Variants in ACTR8 observed in about 807,000 individuals in gnomAD.
ACTR8 encodes the protein actin related protein 8.
A neutral mutation model predicts 84.3 loss-of-function variants in ACTR8; 70 were observed. The ratio of observed to expected loss-of-function variants is 0.83; its 90% CI spans 0.68 to 1.01. The LOEUF (loss-of-function observed/expected upper bound fraction) is 1.01, where lower values mean the gene tolerates loss of function less well. Ranked by LOEUF, ACTR8 falls within the 50% of genes least tolerant of loss-of-function variation. The probability of loss-of-function intolerance (pLI) is 0.00; values close to 1 mark genes in which losing one functional copy is unlikely to be tolerated. For synonymous variants in ACTR8, 268 were observed against 275.2 expected, an observed-to-expected ratio of 0.97 and a Z score of 0.26; for missense variants, 672 against 775.4, an observed-to-expected ratio of 0.87 and a Z score of 1.58.
intron 10 of ACTR8, among the ~76,000 whole-genome samples, chr3:53,871,737 C>T (rs1257825660): frequency 6.6e-6 from 1 of 152,198 alleles, no homozygotes; most frequent in Non-Finnish European, 1.5e-5. Context: ...AGAACCTTAT[C>T]ATCACTGGTT....
chr3:53,879,466 T>C (rs1469883487), intron 2 of ACTR8, among the ~76,000 whole-genome samples: 2 of 152,192 alleles, frequency 1.3e-5, no homozygotes, highest in Middle Eastern at 3.4e-3. Context: ...TAGGATAAAG[T>C]AGATGCTTAC....
intron 4 of ACTR8, 126 bp from the exon 5 acceptor site, chr3:53,877,513 G>A (rs3733079): frequency 0.32 from 413,719 of 1,285,678 alleles, 68,784 homozygotes; most frequent in East Asian, 0.52. Context: ...AGTAGGAGTC[G>A]GTGTGACTAT....
chr3:53,875,482 T>C (rs1211412238), intron 7 of ACTR8, among the ~76,000 whole-genome samples: 1 of 152,208 alleles, frequency 6.6e-6, no homozygotes, highest in East Asian at 1.9e-4. Flanking sequence ...TACCTGTCTA[T>C]CATCATAAAG....
chr3:53,860,099 T>G, the ACTR8 span: 1 of 1,497,404 alleles, frequency 6.7e-7, no homozygotes, highest in Non-Finnish European at 9.3e-7. Flanking sequence ...GGATTTGTTT[T>G]CCAAAGGTGA....
chr3:53,874,049 C>T (rs1302037609), intron 8 of ACTR8, among the ~76,000 whole-genome samples, 162 bp downstream of exon 8: 1 of 152,118 alleles, frequency 6.6e-6, no homozygotes, highest in Non-Finnish European at 1.5e-5. Flanking sequence ...TGGTCTTGAT[C>T]TCCTGACCTC....
intron 7 of ACTR8, among the ~76,000 whole-genome samples, chr3:53,875,612 A>C (rs765025493): frequency 6.6e-6 from 1 of 152,254 alleles, no homozygotes; most frequent in African/African-American, 2.4e-5. Flanking sequence ...AAGCTCTGCT[A>C]TAAGGATGTG....
rs1025675441 is a variant in ACTR8 at position 53,881,750 on chromosome 3, G to C, written c.123+229C>G. On this transcript the variant is annotated intron_variant, in intron 1 of 12. Transcript: ENST00000335754. ...CAGACGGTGGGGCGTGCGGGAGATC[G>C]GAGCGGTGTCCCTGCGGGGGCTCCG... The C allele has an allele frequency of 1.0e-4, 65 of 642,208 alleles. No individual in the cohort carries two copies. In the African/African-American group the frequency reaches 1.1e-3, roughly 11 times the overall value. The allele number at this position is 642,208 out of a possible 1,614,324, so 39.8% of individuals were successfully genotyped here. A position where few individuals can be genotyped will look rare whatever the true frequency, so the allele number is the denominator to read the frequency against.
the ACTR8 span, chr3:53,860,494 G>T: frequency 3.4e-6 from 1 of 297,620 alleles, no homozygotes; most frequent in Admixed American, 4.7e-5. Context: ...GTACTGAAAT[G>T]GGCAAAAGAT....
Position 53,868,452 on chromosome 3 carries a change from G to A in ACTR8, c.*267C>T, listed in dbSNP as rs1253753365. 1.5e-5 allele frequency: 6 copies of A among 410,988 alleles called. No individual in the cohort carries two copies. Among genetic ancestry groups the A allele is most frequent in the Non-Finnish European group, 2.2e-5 (5 of 231,584 alleles). 25.5% of individuals were successfully genotyped at this position (410,988 alleles called of 1,614,324 possible). A position where few individuals can be genotyped will look rare whatever the true frequency, so the allele number is the denominator to read the frequency against. ...CTTCAATAGCAACGTTTACATCACT[G>A]GGGAGTTTATGAGACCCTGAGAGAG... On this transcript the variant is annotated 3_prime_UTR_variant, in exon 13 of 13. Coordinates refer to ENST00000335754, the MANE Select transcript of ACTR8 (RefSeq NM_022899.5).
rs768876644 is a variant in ACTR8 at position 53,867,987 on chromosome 3, T to A, written c.*732A>T. ...TAAATTATACCCAAATCATTTCTAT[T>A]TGGCTTTAGGAAAAAAACAAGATTT... On this transcript the variant is annotated 3_prime_UTR_variant, in exon 13 of 13. Coordinates refer to ENST00000335754, the MANE Select transcript of ACTR8 (RefSeq NM_022899.5). 1 of 152,212 alleles carries A rather than the reference T, an allele frequency of 6.6e-6. No homozygotes were observed. Among genetic ancestry groups the A allele is most frequent in the Non-Finnish European group, 1.5e-5 (1 of 68,046 alleles). The allele number at this position is 152,212 out of a possible 1,614,324, so 9.4% of individuals were successfully genotyped here.
chr3:53,872,548 T>G (rs1270900275), intron 9 of ACTR8, 24 bp from the exon 10 acceptor site: 6 of 1,555,252 alleles, frequency 3.9e-6, no homozygotes, highest in Non-Finnish European at 5.2e-6. Flanking sequence ...AAAAGAGTGA[T>G]CAACAAAAGA....
intron 2 of ACTR8, 68 bp from the exon 3 acceptor site, chr3:53,878,535 C>G (rs1285797254): frequency 1.1e-6 from 1 of 911,946 alleles, no homozygotes; most frequent in Admixed American, 2.2e-5. Flanking sequence ...TCAAAAACTA[C>G]TAATTTAATC....
chr3:53,862,885 TC>T (rs1186182797), downstream of ACTR8, among the ~76,000 whole-genome samples: 4 of 152,160 alleles, frequency 2.6e-5, no homozygotes, highest in African/African-American at 7.2e-5. Flanking sequence ...AATTATGATG[TC>T]TTTCTGTAAA....
chr3:53,875,667 TGTTTAC>T (rs1389520855), intron 7 of ACTR8, among the ~76,000 whole-genome samples: 3 of 152,258 alleles, frequency 2.0e-5, no homozygotes, highest in Non-Finnish European at 4.4e-5. Flanking sequence ...ACGAAGCTAC[TGTTTAC>T]GTTTCCCCTA....
downstream of ACTR8, among the ~76,000 whole-genome samples, chr3:53,862,558 C>T (rs1559783869): frequency 6.6e-6 from 1 of 152,112 alleles, no homozygotes; most frequent in Admixed American, 6.6e-5. Context: ...TGAAGGGTTT[C>T]AAGATACGGA....
At chr3:53,864,772 A>C (rs764688119), downstream of ACTR8, 1 of 1,610,580 alleles carries the variant, frequency 6.2e-7, no homozygotes, top group South Asian at 1.1e-5. Context: ...TTCCTTTTCT[A>C]CCACCACACT....
downstream of ACTR8, among the ~76,000 whole-genome samples, chr3:53,862,708 G>T (rs528988077): frequency 6.6e-6 from 1 of 152,126 alleles, no homozygotes; most frequent in African/African-American, 2.4e-5. Flanking sequence ...AAAACAAATC[G>T]ACATTAAACA....
chr3:53,881,857 T>TC (rs34162350), intron 1 of ACTR8, 122 bp downstream of exon 1: 1 of 1,463,968 alleles, frequency 6.8e-7, no homozygotes, highest in Non-Finnish European at 9.2e-7. Flanking sequence ...GCTTCCGCAC[T>TC]CCCCCCACCA....
At position 53,868,407 on chromosome 3, in the gene ACTR8, G is replaced by T. The variant is rs1057480933; in HGVS notation, c.*312C>A. On this transcript the variant is annotated 3_prime_UTR_variant, in exon 13 of 13. Coordinates refer to ENST00000335754, the MANE Select transcript of ACTR8 (RefSeq NM_022899.5). Reference sequence around the variant, plus strand: ...TGAGATTCAAGCCAACTTAAATGAAGGGCTTCACCACATGAGAACCTTCAA... The same window carrying T: ...TGAGATTCAAGCCAACTTAAATGAATGGCTTCACCACATGAGAACCTTCAA... 7.9e-6 allele frequency: 2 copies of T among 253,498 alleles called. No individual in the cohort carries two copies. The highest frequency in any genetic ancestry group is 1.5e-5 in the Non-Finnish European group (2 of 133,602). 15.7% of individuals were successfully genotyped at this position (253,498 alleles called of 1,614,324 possible).
Sources: allele counts gnomAD v4.1 joint callset (sites outside exome capture counted in the v4.1 genomes callset), GRCh38; gene constraint gnomAD v4.1.1; transcripts MANE v1.5; gene names NCBI Gene and HGNC (gene_info 2026-07-23, HGNC 2026-07-21).